Variants in NLRC5 observed in about 807,000 individuals in gnomAD.
The protein encoded by NLRC5 is protein NLRC5.
Under a neutral mutation model 206.9 loss-of-function variants are expected in NLRC5, and 114 were observed. The observed-to-expected ratio is 0.55, with a 90% CI of 0.47 to 0.64. The LOEUF (loss-of-function observed/expected upper bound fraction) is 0.64. NLRC5 is among the 30% of genes least tolerant of loss of function. NLRC5 has a pLI of 0.00. For missense variants in NLRC5, 2,008 were observed against 2,305.5 expected (o/e 0.87, Z 2.64); for synonymous variants, 952 against 962.8 (o/e 0.99, Z 0.21).
intron 25 of NLRC5, 84 bp from the exon 26 acceptor site, chr16:57,054,948 G>A (rs1390334158): frequency 3.8e-6 from 6 of 1,592,512 alleles, no homozygotes; most frequent in South Asian, 1.1e-5. Flanking sequence ...TAGAGGCTGG[G>A]CTTCCGGAGG....
intron 1 of NLRC5, among the ~76,000 whole-genome samples, chr16:56,993,718 T>C (rs1359088229): frequency 6.6e-6 from 1 of 152,244 alleles, no homozygotes; most frequent in African/African-American, 2.4e-5. Flanking sequence ...TAGCTCATTT[T>C]CCATAAACTG....
chr16:57,028,218 C>CTCCT, intron 7 of NLRC5, 63 bp downstream of exon 7: 1 of 1,569,370 alleles, frequency 6.4e-7, no homozygotes, highest in East Asian at 2.2e-5. Context: ...TCTCCTCCCT[C>CTCCT]TCCTTAATCC....
At position 57,020,790 on chromosome 16, in the gene NLRC5, A is replaced by G. The variant is rs767541748; in HGVS notation, c.78A>G (p.Glu26=). The change falls in exon 3 of 49, where the codon GAA becomes GAG. Residue 26 remains glutamate, a synonymous_variant. Coordinates refer to ENST00000688547, the MANE Select transcript of NLRC5 (RefSeq NM_001384950.1). ...CLVRLLTKDP[E]WLNAKMKFFL... The stretch of plus-strand genomic sequence containing the variant: ...TGAGGCTGCTCACCAAAGACCCAGA[A>G]TGGCTGAACGCCAAGATGAAGTTCT... The G allele has an allele frequency of 4.3e-6, 7 of 1,612,966 alleles. No individual in the cohort carries two copies. In the Admixed American group the frequency reaches 1.2e-4, roughly 27 times the overall value.
intron 1 of NLRC5, among the ~76,000 whole-genome samples, chr16:56,997,965 C>T (rs1055539761): frequency 2.0e-5 from 3 of 152,134 alleles, no homozygotes; most frequent in Non-Finnish European, 4.4e-5. Context: ...ATACACAAAC[C>T]ATGGCCCAAA....
In NLRC5 at chr16:57,061,547, A is replaced by C. The variant is rs766151798; in HGVS notation, c.4070+16A>C. On this transcript the variant is annotated intron_variant, in intron 31 of 48. Transcript: ENST00000688547. Reference sequence around the variant, plus strand: ...CGGAGCTCACGTGAGTGACCCACCCAGCCCGTGAGGACAGCAGAGGGGTGG... The same window carrying C: ...CGGAGCTCACGTGAGTGACCCACCCCGCCCGTGAGGACAGCAGAGGGGTGG... 1.4e-5 allele frequency: 22 copies of C among 1,609,398 alleles called. No homozygotes were observed. Among genetic ancestry groups the C allele is most frequent in the Non-Finnish European group, 1.9e-5 (22 of 1,179,922 alleles).
intron 36 of NLRC5, 74 bp from the exon 37 acceptor site, chr16:57,069,762 C>A: frequency 8.1e-7 from 1 of 1,236,824 alleles, no homozygotes; most frequent in Non-Finnish European, 1.2e-6. Context: ...TCCTTGCCCT[C>A]TGCCACCAGC....
intron 38 of NLRC5, among the ~76,000 whole-genome samples, chr16:57,073,345 A>G (rs1309640859): frequency 6.6e-6 from 1 of 151,420 alleles, no homozygotes; most frequent in East Asian, 1.9e-4. Context: ...TCCAAGTGTA[A>G]CTCCCCACAG....
chr16:57,007,215 G>T (rs2059012783), intron 1 of NLRC5, among the ~76,000 whole-genome samples: 1 of 152,100 alleles, frequency 6.6e-6, no homozygotes, highest in Admixed American at 6.6e-5. Context: ...CCCAGAGTTG[G>T]TCACTATGTA....
chr16:57,041,269 T>A, intron 17 of NLRC5: 1 of 537,762 alleles, frequency 1.9e-6, no homozygotes. Context: ...TTTCCTTCCA[T>A]CTGTGTCTCT....
chr16:57,049,436 A>G (rs1567602446), intron 23 of NLRC5, among the ~76,000 whole-genome samples: 1 of 152,136 alleles, frequency 6.6e-6, no homozygotes, highest in Non-Finnish European at 1.5e-5. Flanking sequence ...GAGGAAGCTT[A>G]ATATAAAAAG....
At chr16:57,046,921 T>C (rs2064057127) in intron 22 of NLRC5, among the ~76,000 whole-genome samples, 2 of 152,208 alleles carry the variant, frequency 1.3e-5, no homozygotes, top group Admixed American at 6.5e-5. Context: ...ACTCCCTGCC[T>C]GGGGTCTCCA....
chr16:56,989,884 G>A (rs2056593193), intron 1 of NLRC5, among the ~76,000 whole-genome samples: 1 of 152,206 alleles, frequency 6.6e-6, no homozygotes, highest in South Asian at 2.1e-4. Flanking sequence ...GGGTCGCCTG[G>A]ATGGGGGGAC....
intron 1 of NLRC5, among the ~76,000 whole-genome samples, chr16:57,000,687 C>T (rs2058135889): frequency 6.6e-6 from 1 of 152,136 alleles, no homozygotes; most frequent in South Asian, 2.1e-4. Context: ...TTGTGAGGGA[C>T]AACAGAGACG....
intron 38 of NLRC5, among the ~76,000 whole-genome samples, chr16:57,071,476 A>C (rs1285468838): frequency 1.2e-5 from 1 of 82,100 alleles, no homozygotes; most frequent in Non-Finnish European, 2.3e-5. Context: ...TTAATGGGGA[A>C]GGGGGTGAGT....
chr16:56,996,180 T>C (rs1255932409), intron 1 of NLRC5, among the ~76,000 whole-genome samples: 1 of 152,134 alleles, frequency 6.6e-6, no homozygotes, highest in South Asian at 2.1e-4. Context: ...TTCTTTCTTT[T>C]TTTTTCTAGA....
At chr16:57,033,366 CACATGGCTAT>C (rs1341201822) in intron 11 of NLRC5, among the ~76,000 whole-genome samples, 1 of 152,206 alleles carries the variant, frequency 6.6e-6, no homozygotes, top group Non-Finnish European at 1.5e-5. Context: ...TGCCCAAGGC[CACATGGCTAT>C]ACATGGCAGA....
chr16:57,008,830 AT>A (rs2059187469), intron 1 of NLRC5, among the ~76,000 whole-genome samples: 1 of 152,224 alleles, frequency 6.6e-6, no homozygotes, highest in Non-Finnish European at 1.5e-5. Flanking sequence ...AAATAAAAAG[AT>A]AAAAGCAAAA....
intron 6 of NLRC5, 50 bp downstream of exon 6, chr16:57,027,068 G>T: frequency 7.6e-6 from 12 of 1,573,132 alleles, no homozygotes; most frequent in Non-Finnish European, 1.0e-5. Flanking sequence ...TTTTGGGGGA[G>T]CAGAGGCCAA....
At chr16:57,053,371 A>G (rs2065183875) in intron 24 of NLRC5, among the ~76,000 whole-genome samples, 2 of 152,102 alleles carry the variant, frequency 1.3e-5, no homozygotes, top group Admixed American at 1.3e-4. Context: ...ACAGCGCGGA[A>G]CCGAGACAGC....
Sources: gnomAD v4.1 joint callset for allele counts (sites outside exome capture counted in the v4.1 genomes callset) on GRCh38, gnomAD v4.1.1 for gene constraint, MANE v1.5 for transcripts, NCBI Gene and HGNC (gene_info 2026-07-23, HGNC 2026-07-21) for gene names.